The following DOCK9 variants were observed in gnomAD, a reference collection of about 807,000 sequenced individuals.
DOCK9 encodes dedicator of cytokinesis protein 9.
A neutral mutation model predicts 263.3 loss-of-function variants in DOCK9; 89 were observed. The ratio of observed to expected loss-of-function variants is 0.34; its 90% CI spans 0.28 to 0.40. DOCK9 has a LOEUF of 0.40. DOCK9 is among the 10% of genes least tolerant of loss of function. DOCK9 has a pLI of 1.00. For missense variants in DOCK9, 2,140 were observed against 2,603.4 expected (o/e 0.82, Z 3.87); for synonymous variants, 976 against 973.1 (o/e 1.00, Z -0.06).
chr13:98,870,502 C>T (rs960021324), intron 27 of DOCK9, among the ~76,000 whole-genome samples: 4 of 152,200 alleles, frequency 2.6e-5, no homozygotes, highest in African/African-American at 9.7e-5. Flanking sequence ...AAGCTGGCCA[C>T]TCCTGAAAAA....
rs1595702888 is a variant in DOCK9, at chr13:98,965,292, T to C, written c.127-9741A>G. 3.3e-5 allele frequency among the ~76,000 whole-genome samples: 5 copies of C among 152,126 alleles called. No individual in the cohort carries two copies. The South Asian group carries it at 1.0e-3, about 32-fold the overall frequency. The stretch of plus-strand genomic sequence containing the variant: ...CCCTAACTCAGGACATTACAACTAG[T>C]AGATGGTGAAAATCAAGATAGAATC... On this transcript the variant is annotated intron_variant, in intron 1 of 52. Transcript: ENST00000682017.
At chr13:99,050,188 T>C (rs991192913) in intron 1 of DOCK9, among the ~76,000 whole-genome samples, 1 of 152,154 alleles carries the variant, frequency 6.6e-6, no homozygotes, top group African/African-American at 2.4e-5. Flanking sequence ...ATGTGTAGTT[T>C]ATCTATGTCA....
chr13:99,087,220 G>T (rs2042369000), upstream of DOCK9, among the ~76,000 whole-genome samples: 1 of 152,302 alleles, frequency 6.6e-6, no homozygotes, highest in East Asian at 1.9e-4. Context: ...CCTCCCCACC[G>T]TTCAGTCCCC....
At chr13:99,059,580 T>C (rs1165056309) in intron 1 of DOCK9, among the ~76,000 whole-genome samples, 1 of 152,214 alleles carries the variant, frequency 6.6e-6, no homozygotes, top group Non-Finnish European at 1.5e-5. Context: ...AAAATACAAA[T>C]GCAACCACAT....
chr13:98,801,569 A>G (rs996909577), intron 49 of DOCK9, among the ~76,000 whole-genome samples: 6 of 152,234 alleles, frequency 3.9e-5, no homozygotes, highest in East Asian at 1.9e-4. Flanking sequence ...AATGAACAGA[A>G]AAACAGCAGG....
intron 22 of DOCK9, 27 bp downstream of exon 22, chr13:98,883,786 T>C: frequency 6.6e-7 from 1 of 1,524,342 alleles, no homozygotes; most frequent in Non-Finnish European, 8.9e-7. Flanking sequence ...GGGCAGCAAC[T>C]GCTAATTTTG....
chr13:98,911,597 A>T (rs1183670143), intron 9 of DOCK9, among the ~76,000 whole-genome samples: 1 of 152,112 alleles, frequency 6.6e-6, no homozygotes, highest in Non-Finnish European at 1.5e-5. Context: ...AATTCACTTT[A>T]AAAAGTTTTT....
At chr13:98,949,559 T>C (rs1307876841) in intron 2 of DOCK9, among the ~76,000 whole-genome samples, 1 of 152,006 alleles carries the variant, frequency 6.6e-6, no homozygotes, top group Non-Finnish European at 1.5e-5. Flanking sequence ...TGATGAGAGG[T>C]GTCTGCCATG....
intron 1 of DOCK9, among the ~76,000 whole-genome samples, chr13:99,085,784 G>A (rs999274593): frequency 6.9e-4 from 99 of 144,252 alleles, no homozygotes; most frequent in Non-Finnish European, 1.2e-3. Flanking sequence ...ACTGGATGAG[G>A]AAGCCCCCAC....
chr13:98,939,012 G>A (rs1169303915), intron 2 of DOCK9, among the ~76,000 whole-genome samples: 1 of 152,192 alleles, frequency 6.6e-6, no homozygotes, highest in Non-Finnish European at 1.5e-5. Flanking sequence ...CCTCAACAGA[G>A]AAACAAACAC....
chr13:98,979,180 ATAGTAGTAGTAGTAGTAG>A (rs56125832), upstream of DOCK9, among the ~76,000 whole-genome samples: 50 of 132,814 alleles, frequency 3.8e-4, no homozygotes, highest in African/African-American at 1.2e-3. Context: ...AGCAGCAGCA[ATAGTAGTAGTAGTAGTAG>A]TAGTAGTAGT....
chr13:98,906,572 T>C (rs1165802505), intron 9 of DOCK9, among the ~76,000 whole-genome samples: 1 of 152,186 alleles, frequency 6.6e-6, no homozygotes, highest in Non-Finnish European at 1.5e-5. Context: ...CCCAAAGACA[T>C]GAGTCACATC....
intron 27 of DOCK9, among the ~76,000 whole-genome samples, chr13:98,875,948 A>C (rs1280226499): frequency 6.6e-6 from 1 of 152,234 alleles, no homozygotes; most frequent in Non-Finnish European, 1.5e-5. Flanking sequence ...GCAGGAGTGC[A>C]GCACTGGAAG....
chr13:98,942,054 C>T (rs2055948439), intron 2 of DOCK9, among the ~76,000 whole-genome samples: 1 of 151,980 alleles, frequency 6.6e-6, no homozygotes, highest in South Asian at 2.1e-4. Context: ...GAGTTAAAAC[C>T]CCTGTGGACA....
chr13:98,945,368 T>C (rs1400582091), intron 2 of DOCK9, among the ~76,000 whole-genome samples: 1 of 152,208 alleles, frequency 6.6e-6, no homozygotes, highest in Non-Finnish European at 1.5e-5. Context: ...CCATGGTCCA[T>C]GTTGTCACTA....
intron 1 of DOCK9, among the ~76,000 whole-genome samples, chr13:99,026,188 G>A (rs933815173): frequency 5.3e-5 from 8 of 151,964 alleles, no homozygotes; most frequent in African/African-American, 1.9e-4. Context: ...TAATAAAGAT[G>A]TTCTAAAATT....
At chr13:99,064,763 G>A (rs191326299) in intron 1 of DOCK9, among the ~76,000 whole-genome samples, 12 of 152,276 alleles carry the variant, frequency 7.9e-5, no homozygotes, top group East Asian at 7.7e-4. Context: ...ACAGCTGGTC[G>A]GGGGCCTCAT....
At chr13:98,882,715 G>A (rs1334810167) in intron 23 of DOCK9, among the ~76,000 whole-genome samples, 2 of 152,222 alleles carry the variant, frequency 1.3e-5, no homozygotes, top group Admixed American at 6.5e-5. Flanking sequence ...TTCCCTAAGG[G>A]TGAGGACCGA....
At chr13:99,008,234 A>ATT (rs398024127) in intron 1 of DOCK9, among the ~76,000 whole-genome samples, 2,741 of 93,522 alleles carry the variant, frequency 0.029, 92 homozygotes, top group African/African-American at 0.058. Context: ...ATATATATAT[A>ATT]TTTTTTTTTT....
Sources: allele counts gnomAD v4.1 joint callset (sites outside exome capture counted in the v4.1 genomes callset), GRCh38; gene constraint gnomAD v4.1.1; transcripts MANE v1.5; gene names NCBI Gene and HGNC (gene_info 2026-07-23, HGNC 2026-07-21).